CENPS: variants seen among roughly 807,000 people sequenced by gnomAD.
The protein encoded by CENPS is centromere protein S.
In CENPS, 16 loss-of-function variants were observed where a neutral mutation model predicts 17.9. That is an observed-to-expected ratio of 0.90 (90% CI 0.61 to 1.36). CENPS has a LOEUF of 1.36. Among genes scored for constraint, CENPS ranks in the 40% most tolerant of loss-of-function variants. The pLI is 0.00. For synonymous variants in CENPS, 49 were observed against 55.8 expected (o/e 0.88, Z 0.54); for missense variants, 160 against 158.6 (o/e 1.01, Z -0.05).
intron 2 of CENPS, 102 bp downstream of exon 2, chr1:10,434,067 A>G: frequency 6.4e-7 from 1 of 1,556,822 alleles, no homozygotes; most frequent in Non-Finnish European, 8.7e-7. Flanking sequence ...TGACCAGCAG[A>G]CCAAGAATAT....
chr1:10,433,295 C>T (rs915797917), intron 1 of CENPS, among the ~76,000 whole-genome samples: 1 of 152,166 alleles, frequency 6.6e-6, no homozygotes, highest in East Asian at 1.9e-4. Context: ...TGGAGGTGGC[C>T]TCCCAACCCT....
In CENPS at chr1:10,441,883, C is replaced by T. The variant is rs566942066; in HGVS notation, c.277-382C>T. Among the ~76,000 whole-genome samples, 10 of 152,096 alleles carry T rather than the reference C, an allele frequency of 6.6e-5. No individual in the cohort carries two copies. The East Asian group carries it at 1.8e-3, about 27-fold the overall frequency. ...CTCGTGATCTGTCTGCCTCAGCCTCCCAAAGTGCTGGGATTACAGGCGTGA... is the reference window on the plus strand; with the variant it reads ...CTCGTGATCTGTCTGCCTCAGCCTCTCAAAGTGCTGGGATTACAGGCGTGA... On this transcript the variant is annotated intron_variant, in intron 4 of 4. Transcript: ENST00000309048.
chr1:10,441,419 A>G (rs1285520881), intron 4 of CENPS, among the ~76,000 whole-genome samples: 1 of 144,322 alleles, frequency 6.9e-6, no homozygotes, highest in Non-Finnish European at 1.5e-5. Flanking sequence ...GGCTCCAGTG[A>G]TACTTTCACC....
At chr1:10,436,337 AGT>A (rs373435454) in intron 3 of CENPS, among the ~76,000 whole-genome samples, 7 of 150,490 alleles carry the variant, frequency 4.7e-5, no homozygotes, top group Non-Finnish European at 4.4e-5. Context: ...CGTGCATGTG[AGT>A]GTGTGTGTGT....
intron 3 of CENPS, among the ~76,000 whole-genome samples, chr1:10,435,708 T>TACACACACACACACAC (rs1334818968): frequency 6.3e-5 from 9 of 143,782 alleles, no homozygotes; most frequent in African/African-American, 2.1e-4. Flanking sequence ...AAATAATATA[T>TACACACACACACACAC]ATATATATAC....
intron 1 of CENPS, chr1:10,431,333 G>T (rs750815358): frequency 2.1e-5 from 32 of 1,535,156 alleles, no homozygotes; most frequent in Non-Finnish European, 2.7e-5. Flanking sequence ...AAGTTACACT[G>T]CAGCAGCTGT....
intron 3 of CENPS, among the ~76,000 whole-genome samples, chr1:10,436,890 G>A (rs1354104360): frequency 2.0e-5 from 3 of 152,096 alleles, no homozygotes; most frequent in Admixed American, 6.6e-5. Flanking sequence ...GACTCATCTT[G>A]TGTGAATTCC....
Position 10,442,432 on chromosome 1 carries a change from C to T in CENPS, c.*27C>T. The T allele has an allele frequency of 6.5e-7, 1 of 1,541,290 alleles. No homozygotes were observed. Among genetic ancestry groups the T allele is most frequent in the Non-Finnish European group, 8.7e-7 (1 of 1,153,716 alleles). ...GTCCCTCGCCGCTTGGAAAGTGCAGCCTTCTACAGGTAGAGCCACCTAGAA... is the reference window on the plus strand; with the variant it reads ...GTCCCTCGCCGCTTGGAAAGTGCAGTCTTCTACAGGTAGAGCCACCTAGAA... On this transcript the variant is annotated 3_prime_UTR_variant, in exon 5 of 5. Coordinates refer to ENST00000309048, the MANE Select transcript of CENPS (RefSeq NM_199294.3).
chr1:10,430,800 G>T, intron 1 of CENPS: 1 of 1,358,150 alleles, frequency 7.4e-7, no homozygotes, highest in Non-Finnish European at 9.4e-7. Context: ...TTCTAGGGGA[G>T]CGTGCGGGCG....
intron 3 of CENPS, chr1:10,440,075 C>A: frequency 2.2e-6 from 1 of 462,798 alleles, no homozygotes; most frequent in Non-Finnish European, 3.8e-6. Context: ...CGCTAAGCCC[C>A]CAGCCTCCTG....
intron 3 of CENPS, among the ~76,000 whole-genome samples, chr1:10,438,396 C>T (rs676995): frequency 0.15 from 22,589 of 152,136 alleles, 2,409 homozygotes; most frequent in African/African-American, 0.29. Flanking sequence ...CCACCCACCT[C>T]GGCCTCCCAA....
At chr1:10,437,186 C>T (rs1246376623) in intron 3 of CENPS, among the ~76,000 whole-genome samples, 1 of 152,040 alleles carries the variant, frequency 6.6e-6, no homozygotes, top group African/African-American at 2.4e-5. Context: ...GAGACAGGAT[C>T]TCTCTGTTAC....
chr1:10,433,837 C>A lies in CENPS; in HGVS notation c.52-5C>A. 1 of 1,613,820 alleles carries A rather than the reference C, an allele frequency of 6.2e-7. No homozygotes were observed. On this transcript the variant is annotated splice_polypyrimidine_tract_variant and splice_region_variant and intron_variant, in intron 1 of 4. Coordinates refer to ENST00000309048, the MANE Select transcript of CENPS (RefSeq NM_199294.3). ...CCCGTGAAATATTTTGATGTTTTTC[C>A]CCAGAGGCTAAAGGCAGCAGTTCAC...
chr1:10,430,483 GC>G lies in CENPS; in HGVS notation c.-32del. 1 of 1,533,604 alleles carries G rather than the reference GC, an allele frequency of 6.5e-7. No homozygotes were observed. Among genetic ancestry groups the G allele is most frequent in the Non-Finnish European group, 8.8e-7 (1 of 1,140,898 alleles). 95.0% of individuals were successfully genotyped at this position (1,533,604 alleles called of 1,614,324 possible). A position where few individuals can be genotyped will look rare whatever the true frequency, so the allele number is the denominator to read the frequency against. On this transcript the variant is annotated 5_prime_UTR_variant, in exon 1 of 5. Coordinates refer to ENST00000309048, the MANE Select transcript of CENPS (RefSeq NM_199294.3). ...GGCCGCGCACCACCGCCCCTTCTCG[GC>G]CCTCCTGCGTTTGCCCAGGGTCGGC... is the stretch of plus-strand genomic sequence containing the variant.
chr1:10,435,634 A>AT (rs1264078971), intron 3 of CENPS, among the ~76,000 whole-genome samples: 1 of 151,736 alleles, frequency 6.6e-6, no homozygotes, highest in East Asian at 1.9e-4. Context: ...GGTGAAAGAT[A>AT]TTAATACCTT....
chr1:10,440,142 C>T (rs1185456926), intron 3 of CENPS: 4 of 623,564 alleles, frequency 6.4e-6, no homozygotes, highest in African/African-American at 5.7e-5. Flanking sequence ...AGAGATGGGC[C>T]TCCGCATTCT....
chr1:10,431,183 GC>G, intron 1 of CENPS: 1 of 1,482,920 alleles, frequency 6.7e-7, no homozygotes, highest in South Asian at 1.3e-5. Flanking sequence ...CCTTTCATCA[GC>G]GCCGGGCATA....
rs553647550 is a variant in CENPS at position 10,442,559 on chromosome 1, A to AT, written c.*156dup. The AT allele has an allele frequency of 8.4e-5, 104 of 1,232,162 alleles. No homozygotes were observed. In the South Asian group the frequency reaches 2.2e-3, roughly 26 times the overall value. 76.3% of individuals were successfully genotyped at this position (1,232,162 alleles called of 1,614,324 possible). A position where few individuals can be genotyped will look rare whatever the true frequency, so the allele number is the denominator to read the frequency against. On this transcript the variant is annotated 3_prime_UTR_variant, in exon 5 of 5. Coordinates refer to ENST00000309048, the MANE Select transcript of CENPS (RefSeq NM_199294.3). ...GTGCTTTTTGTGCTGAATTCTCCAC[A>AT]TTGTTAACTGCCAAAGCTAGTTTTA...
At position 10,442,388 on chromosome 1, in the gene CENPS, G is replaced by A. The variant is rs538557550; in HGVS notation, c.400G>A (p.Val134Met). The A allele has an allele frequency of 7.1e-5, 113 of 1,584,662 alleles. No individual in the cohort carries two copies. The South Asian group carries it at 1.3e-3, about 18-fold the overall frequency. Residue 134 changes from valine (V) to methionine (M), a missense_variant, in exon 5 of 5, where the codon GTG becomes ATG. Physicochemically the swap from Val to Met is conservative, Grantham distance 21. Transcript: ENST00000309048. ...NSRQPAEAGV[V>M]ESEN ...AAGGCAGCCAGCAGAGGCTGGAGTG[G>A]TGGAAAGTGAGAATTAAAGTCCCTC...
Sources: gnomAD v4.1 joint callset for allele counts (sites outside exome capture counted in the v4.1 genomes callset) on GRCh38, gnomAD v4.1.1 for gene constraint, MANE v1.5 for transcripts, NCBI Gene and HGNC (gene_info 2026-07-23, HGNC 2026-07-21) for gene names.